The following ZC3HAV1 variants were observed in gnomAD, a reference collection of about 807,000 sequenced individuals.
The protein encoded by ZC3HAV1 is zinc finger CCCH-type antiviral protein 1.
A neutral mutation model predicts 86.6 loss-of-function variants in ZC3HAV1; 41 were observed. The ratio of observed to expected loss-of-function variants is 0.47; its 90% CI spans 0.37 to 0.61. ZC3HAV1 has a LOEUF of 0.61. Among genes scored for constraint, ZC3HAV1 ranks in the 20% least tolerant of loss-of-function variants. The pLI is 0.00. For synonymous variants in ZC3HAV1, 421 were observed against 432.1 expected, an observed-to-expected ratio of 0.97 and a Z score of 0.32; for missense variants, 964 against 1,141.1, an observed-to-expected ratio of 0.84 and a Z score of 2.24.
chr7:139,071,394 G>A (rs1406439035), intron 7 of ZC3HAV1, among the ~76,000 whole-genome samples: 14 of 152,094 alleles, frequency 9.2e-5, no homozygotes, highest in African/African-American at 3.1e-4. Flanking sequence ...GAGCCACCAC[G>A]CCCGGCCTCC....
chr7:139,086,033 C>T (rs1415747342), intron 2 of ZC3HAV1, among the ~76,000 whole-genome samples: 1 of 151,466 alleles, frequency 6.6e-6, no homozygotes, highest in Non-Finnish European at 1.5e-5. Flanking sequence ...AAAAAAAATC[C>T]AAATTGCCCA....
rs1193733905 is a variant in ZC3HAV1, at chr7:139,046,528, G to A, written c.*1066C>T. 1 of 152,116 alleles carries A rather than the reference G, an allele frequency of 6.6e-6. No homozygotes were observed. Among genetic ancestry groups the A allele is most frequent in the Non-Finnish European group, 1.5e-5 (1 of 68,018 alleles). 9.4% of individuals were successfully genotyped at this position (152,116 alleles called of 1,614,324 possible). On this transcript the variant is annotated 3_prime_UTR_variant, in exon 13 of 13. Coordinates refer to ENST00000242351, the MANE Select transcript of ZC3HAV1 (RefSeq NM_020119.4). ...GTCTACTTTGCCATAATTATACAAA[G>A]AGCCCAAATGGGCAATTAACTCCAG...
chr7:139,060,910 A>G (rs760235029), intron 9 of ZC3HAV1, 126 bp downstream of exon 9: 2 of 1,589,458 alleles, frequency 1.3e-6, no homozygotes, highest in East Asian at 4.5e-5. Context: ...TGCAAATGGA[A>G]ACTGCAGAGT....
At chr7:139,092,783 T>C (rs924030372) in intron 1 of ZC3HAV1, among the ~76,000 whole-genome samples, 2 of 152,200 alleles carry the variant, frequency 1.3e-5, no homozygotes, top group Non-Finnish European at 2.9e-5. Context: ...TCCTTCTCAT[T>C]TTTCATCTCC....
In ZC3HAV1 at chr7:139,053,762, G is replaced by T. The variant is rs185353961; in HGVS notation, c.2319-181C>A. Reference sequence around the variant, plus strand: ...AATTTATGAAAACTTTTAAAAGATAGACACATGAAATCATTGAATTGTAAA... The same window carrying T: ...AATTTATGAAAACTTTTAAAAGATATACACATGAAATCATTGAATTGTAAA... On this transcript the variant is annotated intron_variant, in intron 11 of 12. Coordinates refer to ENST00000242351, the MANE Select transcript of ZC3HAV1 (RefSeq NM_020119.4). Among the ~76,000 whole-genome samples, 219 of 146,922 alleles carry T rather than the reference G, an allele frequency of 1.5e-3. 1 individual carries two copies. The highest frequency in any genetic ancestry group is 2.3e-3 in the Non-Finnish European group (156 of 67,372).
chr7:139,093,167 G>C (rs780538992), intron 1 of ZC3HAV1, among the ~76,000 whole-genome samples: 32 of 152,098 alleles, frequency 2.1e-4, no homozygotes, highest in Non-Finnish European at 3.8e-4. Flanking sequence ...GAAATCAAAG[G>C]TGACAGATAA....
In ZC3HAV1 at chr7:139,061,026, G is replaced by A; in HGVS notation, c.2096+10C>T. 6.2e-7 allele frequency: 1 copy of A among 1,613,426 alleles called. No homozygotes were observed. The highest frequency in any genetic ancestry group is 8.5e-7 in the Non-Finnish European group (1 of 1,179,922). On this transcript the variant is annotated intron_variant, in intron 9 of 12. Transcript: ENST00000242351. ...CATCTGTCAGCAAACAGCTGCTTCA[G>A]AACACTTACTCTGGCCCTCTCTTCA...
At chr7:139,096,188 A>C (rs1408577357) in intron 1 of ZC3HAV1, among the ~76,000 whole-genome samples, 1 of 152,000 alleles carries the variant, frequency 6.6e-6, no homozygotes, top group Non-Finnish European at 1.5e-5. Flanking sequence ...CTAATTTTGT[A>C]TTTTTAGTAG....
chr7:139,109,123 G>A lies in ZC3HAV1; in HGVS notation c.209C>T (p.Ala70Val). Residue 70 changes from alanine (A) to valine (V), a missense_variant, in exon 1 of 13, where the codon GCC (alanine) becomes GTC (valine). Ala to Val is a moderately conservative substitution (Grantham distance 64). Coordinates refer to ENST00000242351, the MANE Select transcript of ZC3HAV1 (RefSeq NM_020119.4). The stretch of plus-strand genomic sequence containing the variant: ...GCAGTACTTGCGACGGCAGACCCGG[G>A]CTCGAGTGGTGGCCACCACCGATCG... The part of the protein sequence containing the change: ...ITRSVVATTR[A>V]RVCRRKYCQR... The A allele has an allele frequency of 6.3e-7, 1 of 1,591,560 alleles. No homozygotes were observed. Among genetic ancestry groups the A allele is most frequent in the East Asian group, 2.3e-5 (1 of 43,746 alleles).
rs1371116037 is a variant in ZC3HAV1 at position 139,079,849 on chromosome 7, G to A, written c.1092C>T (p.Ser364=). The change falls in exon 4 of 13, where the codon TCC becomes TCT. Residue 364 remains serine, a synonymous_variant. Transcript: ENST00000242351. ...TCCTGGCGCCTTGGTCATTCGTCCAGGATGTGAGGCTCTTCCAGTTGGGGG... is the reference window on the plus strand; with the variant it reads ...TCCTGGCGCCTTGGTCATTCGTCCAAGATGTGAGGCTCTTCCAGTTGGGGG... ...TSAPNWKSLT[S]WTNDQGARRK... The A allele has an allele frequency of 6.2e-7, 1 of 1,614,182 alleles. No homozygotes were observed.
Position 139,045,625 on chromosome 7 carries a change from T to C in ZC3HAV1, c.*1969A>G, listed in dbSNP as rs1815932831. The C allele has an allele frequency of 6.6e-6, 1 of 152,096 alleles. No homozygotes were observed. Among genetic ancestry groups the C allele is most frequent in the Admixed American group, 6.6e-5 (1 of 15,254 alleles). 9.4% of individuals were successfully genotyped at this position (152,096 alleles called of 1,614,324 possible). On this transcript the variant is annotated 3_prime_UTR_variant, in exon 13 of 13. Coordinates refer to ENST00000242351, the MANE Select transcript of ZC3HAV1 (RefSeq NM_020119.4). Reference sequence around the variant, plus strand: ...ATGGGTAGATGGTGATGCTTTTCACTTACATACAGATCCTGAGAGAGGAAC... The same window carrying C: ...ATGGGTAGATGGTGATGCTTTTCACCTACATACAGATCCTGAGAGAGGAAC...
At chr7:139,072,007 G>A (rs1460390770) in intron 7 of ZC3HAV1, among the ~76,000 whole-genome samples, 4 of 152,158 alleles carry the variant, frequency 2.6e-5, no homozygotes, top group African/African-American at 9.7e-5. Flanking sequence ...CCTCTCCCAA[G>A]TATTTTGTTT....
rs147783026 is a variant in ZC3HAV1 at position 139,055,208 on chromosome 7, A to G, written c.2184T>C (p.Tyr728=). The change falls in exon 10 of 13, where the codon TAT becomes TAC. Residue 728 remains tyrosine (Y), a synonymous_variant. Transcript: ENST00000242351. ...CCAAACATGTAAAACCAAGTACCTTATATTTCTTTGAGGATAGGAAGCAAA... is the reference window on the plus strand; with the variant it reads ...CCAAACATGTAAAACCAAGTACCTTGTATTTCTTTGAGGATAGGAAGCAAA... ...EDFCFLSSKK[Y]KLSEIHHLHP... 1.2e-6 allele frequency: 2 copies of G among 1,612,630 alleles called. No individual in the cohort carries two copies. Among genetic ancestry groups the G allele is most frequent in the Non-Finnish European group, 8.5e-7 (1 of 1,179,066 alleles).
chr7:139,098,269 G>T lies in ZC3HAV1; in HGVS notation c.309-8510C>A, dbSNP rs117693944. Among the ~76,000 whole-genome samples the T allele has an allele frequency of 1.3e-3, 199 of 152,182 alleles. 1 individual carries two copies. Among genetic ancestry groups the T allele is most frequent in the Non-Finnish European group, 2.4e-3 (165 of 68,010 alleles). On this transcript the variant is annotated intron_variant, in intron 1 of 12. Transcript: ENST00000242351. ...ACACTTTAAATGGGTACATTTTATT[G>T]TATGTAAATCATACCTCAATAAAAT...
intron 5 of ZC3HAV1, 46 bp from the exon 6 acceptor site, chr7:139,076,455 C>T (rs1816955248): frequency 6.2e-7 from 1 of 1,607,940 alleles, no homozygotes; most frequent in Non-Finnish European, 8.5e-7. Flanking sequence ...AGCAGGGATT[C>T]TAACCAATTC....
intron 9 of ZC3HAV1, chr7:139,060,689 AAAAAG>A: frequency 8.2e-6 from 9 of 1,094,290 alleles, no homozygotes; most frequent in Non-Finnish European, 1.0e-5. Context: ...AAAAAAAAAA[AAAAAG>A]AATCCACAGC....
chr7:139,103,530 T>C (rs937918745), intron 1 of ZC3HAV1, among the ~76,000 whole-genome samples: 4 of 152,342 alleles, frequency 2.6e-5, no homozygotes, highest in Non-Finnish European at 4.4e-5. Context: ...CACTCAGACA[T>C]ATAAGTATAA....
At chr7:139,082,798 G>T (rs1372663743) in intron 3 of ZC3HAV1, among the ~76,000 whole-genome samples, 1 of 152,110 alleles carries the variant, frequency 6.6e-6, no homozygotes, top group Non-Finnish European at 1.5e-5. Context: ...ACAGAAAGCA[G>T]AATGTTAGTT....
intron 12 of ZC3HAV1, among the ~76,000 whole-genome samples, chr7:139,052,046 A>G (rs538013067): frequency 3.3e-5 from 5 of 152,134 alleles, no homozygotes; most frequent in Non-Finnish European, 5.9e-5. Context: ...TGTGAAGTGC[A>G]GTTTTTAGTA....
Sources: allele counts gnomAD v4.1 joint callset (sites outside exome capture counted in the v4.1 genomes callset), GRCh38; gene constraint gnomAD v4.1.1; transcripts MANE v1.5; gene names NCBI Gene and HGNC (gene_info 2026-07-23, HGNC 2026-07-21).